The following ROBO2 variants were observed in gnomAD, a reference collection of about 807,000 sequenced individuals.
ROBO2 encodes roundabout guidance receptor 2.
In ROBO2, 53 loss-of-function variants were observed where a neutral mutation model predicts 160.8. The ratio of observed to expected loss-of-function variants is 0.33; its 90% CI spans 0.26 to 0.41. The LOEUF is 0.41. Ranked by LOEUF, ROBO2 falls within the 10% of genes least tolerant of loss-of-function variation. The pLI is 1.00. For missense variants in ROBO2, 1,577 were observed against 1,722.4 expected, an observed-to-expected ratio of 0.92 and a Z score of 1.49; for synonymous variants, 664 against 611.7, an observed-to-expected ratio of 1.09 and a Z score of -1.26.
intron 16 of ROBO2, among the ~76,000 whole-genome samples, chr3:77,584,306 T>C (rs904232318): frequency 1.3e-4 from 20 of 152,126 alleles, no homozygotes; most frequent in Admixed American, 3.9e-4. Context: ...GCCTCACCCC[T>C]GCAGATTTCC....
intron 11 of ROBO2, chr3:77,564,589 GTA>G (rs148921860): frequency 5.3e-3 from 2,036 of 382,972 alleles, no homozygotes; most frequent in South Asian, 6.4e-3. Flanking sequence ...TCTTTTCAAG[GTA>G]TATATATATA....
intron 2 of ROBO2, among the ~76,000 whole-genome samples, chr3:75,974,079 A>G (rs1459688722): frequency 6.6e-6 from 1 of 151,622 alleles, no homozygotes; most frequent in Non-Finnish European, 1.5e-5. Flanking sequence ...GGTGAGGACC[A>G]AATACTGCAA....
intron 2 of ROBO2, among the ~76,000 whole-genome samples, chr3:77,001,996 T>G (rs1418172078): frequency 6.6e-6 from 1 of 152,120 alleles, no homozygotes; most frequent in Non-Finnish European, 1.5e-5. Context: ...ATAAAAGCAT[T>G]TTTAAGTTTA....
intron 2 of ROBO2, among the ~76,000 whole-genome samples, chr3:76,177,494 T>G (rs2073273444): frequency 6.6e-6 from 1 of 152,180 alleles, no homozygotes; most frequent in South Asian, 2.1e-4. Context: ...TGACATTTTG[T>G]AAATATCTGG....
intron 2 of ROBO2, among the ~76,000 whole-genome samples, chr3:76,623,091 A>G (rs199979717): frequency 1.5e-3 from 1 of 672 alleles, no homozygotes; most frequent in Non-Finnish European, 0.036. Flanking sequence ...GCGTAAAAGT[A>G]GTTATGGCTT....
intron 2 of ROBO2, among the ~76,000 whole-genome samples, chr3:76,348,506 A>G (rs2074673022): frequency 6.6e-6 from 1 of 152,182 alleles, no homozygotes; most frequent in South Asian, 2.1e-4. Context: ...TTTAAGAAGA[A>G]TTAGGCTACT....
At chr3:76,096,588 C>T (rs1241330153) in intron 2 of ROBO2, among the ~76,000 whole-genome samples, 1 of 152,034 alleles carries the variant, frequency 6.6e-6, no homozygotes, top group East Asian at 1.9e-4. Context: ...GAATTTATCT[C>T]TGAATTTCTA....
At chr3:77,307,530 T>C (rs2063194295) in intron 2 of ROBO2, among the ~76,000 whole-genome samples, 1 of 152,148 alleles carries the variant, frequency 6.6e-6, no homozygotes, top group African/African-American at 2.4e-5. Context: ...GGGCTCCCAT[T>C]GCTGGCTTCT....
intron 2 of ROBO2, among the ~76,000 whole-genome samples, chr3:77,341,534 A>G (rs2067059864): frequency 6.6e-6 from 1 of 152,184 alleles, no homozygotes; most frequent in African/African-American, 2.4e-5. Context: ...GTTGATGGGA[A>G]CTGGGGAAGT....
chr3:77,351,869 T>C (rs2068382314), intron 2 of ROBO2, among the ~76,000 whole-genome samples: 1 of 151,338 alleles, frequency 6.6e-6, no homozygotes, highest in African/African-American at 2.4e-5. Context: ...ACACCTCATG[T>C]TCTCACTCAT....
At chr3:76,979,809 C>A (rs2060005114) in intron 2 of ROBO2, among the ~76,000 whole-genome samples, 1 of 151,752 alleles carries the variant, frequency 6.6e-6, no homozygotes, top group Admixed American at 6.6e-5. Context: ...ATTTTGTATT[C>A]TTTACTTGAT....
intron 2 of ROBO2, among the ~76,000 whole-genome samples, chr3:76,140,411 T>A (rs1312507955): frequency 1.3e-5 from 2 of 152,022 alleles, no homozygotes; most frequent in Non-Finnish European, 2.9e-5. Flanking sequence ...TTCATTTGCC[T>A]TATTTTTATT....
At chr3:76,921,494 C>T (rs1386588186) in intron 2 of ROBO2, among the ~76,000 whole-genome samples, 2 of 152,104 alleles carry the variant, frequency 1.3e-5, no homozygotes, top group African/African-American at 4.8e-5. Flanking sequence ...CACTTGTAAT[C>T]CCAGCTACTC....
chr3:77,128,350 T>C (rs912387450), intron 2 of ROBO2, among the ~76,000 whole-genome samples: 1 of 152,184 alleles, frequency 6.6e-6, no homozygotes, highest in Non-Finnish European at 1.5e-5. Flanking sequence ...GACCTCTTGG[T>C]TATCAGATCA....
chr3:76,458,874 T>C (rs909212047), intron 2 of ROBO2, among the ~76,000 whole-genome samples: 2 of 152,172 alleles, frequency 1.3e-5, no homozygotes, highest in South Asian at 2.1e-4. Flanking sequence ...GCCCCCATGA[T>C]TGAATTACCT....
intron 23 of ROBO2, chr3:77,629,659 A>G (rs183094259): frequency 3.3e-5 from 5 of 152,318 alleles, no homozygotes; most frequent in Admixed American, 6.5e-5. Flanking sequence ...TATATCACAT[A>G]TATGTATACT....
chr3:76,204,591 A>G (rs1026187226), intron 2 of ROBO2, among the ~76,000 whole-genome samples: 1 of 152,220 alleles, frequency 6.6e-6, no homozygotes, highest in Admixed American at 6.5e-5. Flanking sequence ...TGTTCTCAGA[A>G]TAGAACACCT....
intron 2 of ROBO2, among the ~76,000 whole-genome samples, chr3:76,557,777 C>T (rs1039271442): frequency 4.0e-5 from 6 of 151,670 alleles, no homozygotes; most frequent in Admixed American, 3.9e-4. Context: ...AGTTCCCCTT[C>T]CGTCACTTGA....
chr3:77,434,105 G>A (rs928043395), intron 2 of ROBO2, among the ~76,000 whole-genome samples: 1 of 151,988 alleles, frequency 6.6e-6, no homozygotes, highest in African/African-American at 2.4e-5. Context: ...AAGTCCAATA[G>A]CATTAATGCT....
Sources: allele counts gnomAD v4.1 joint callset (sites outside exome capture counted in the v4.1 genomes callset), GRCh38; gene constraint gnomAD v4.1.1; transcripts MANE v1.5; gene names NCBI Gene and HGNC (gene_info 2026-07-23, HGNC 2026-07-21).